PCDH7: variants seen among roughly 807,000 people sequenced by gnomAD.
PCDH7 encodes protocadherin-7.
PCDH7 carries 17 observed loss-of-function variants against 58.9 expected under a neutral mutation model. The ratio of observed to expected loss-of-function variants is 0.29; its 90% confidence interval spans 0.20 to 0.43. The LOEUF (loss-of-function observed/expected upper bound fraction) is 0.43. Among genes scored for constraint, PCDH7 ranks in the 20% least tolerant of loss-of-function variants. The pLI is 1.00. For missense variants in PCDH7, 1,274 were observed against 1,441.0 expected (o/e 0.88, Z 1.88); for synonymous variants, 664 against 616.4 (o/e 1.08, Z -1.14).
At chr4:31,006,937 A>AG (rs1344234551) in intron 3 of PCDH7, among the ~76,000 whole-genome samples, 26 of 99,948 alleles carry the variant, frequency 2.6e-4, no homozygotes, top group African/African-American at 2.4e-3. Flanking sequence ...GACCTTATAG[A>AG]ATGGCAGAAA....
At chr4:30,737,867 A>T (rs1031494796), downstream of PCDH7, among the ~76,000 whole-genome samples, 1 of 152,220 alleles carries the variant, frequency 6.6e-6, no homozygotes, top group Non-Finnish European at 1.5e-5. Context: ...TCTACTCAGG[A>T]TGTTATGACA....
intron 1 of PCDH7, among the ~76,000 whole-genome samples, chr4:30,859,564 C>T (rs776491715): frequency 5.3e-5 from 8 of 151,828 alleles, no homozygotes; most frequent in African/African-American, 1.5e-4. Flanking sequence ...CTCAGCCTCC[C>T]GAGTAGCTGG....
chr4:30,941,188 T>C (rs959210361), intron 2 of PCDH7, among the ~76,000 whole-genome samples: 4 of 151,964 alleles, frequency 2.6e-5, no homozygotes, highest in African/African-American at 9.7e-5. Context: ...TAAAATACAT[T>C]AACTAAGAAC....
At chr4:30,725,730 T>G (rs1166530465) in intron 1 of PCDH7, among the ~76,000 whole-genome samples, 1 of 152,128 alleles carries the variant, frequency 6.6e-6, no homozygotes, top group South Asian at 2.1e-4. Flanking sequence ...TAATTTCTAT[T>G]AAACATGCTT....
intron 1 of PCDH7, among the ~76,000 whole-genome samples, chr4:30,902,756 A>G (rs1310732026): frequency 3.9e-5 from 6 of 152,156 alleles, no homozygotes; most frequent in Non-Finnish European, 2.9e-5. Flanking sequence ...TTTATTTTAG[A>G]TATGGCTCAC....
intron 1 of PCDH7, among the ~76,000 whole-genome samples, chr4:30,740,359 A>T (rs2109247629): frequency 6.6e-6 from 1 of 152,338 alleles, no homozygotes; most frequent in Non-Finnish European, 1.5e-5. Context: ...GTTTCACCTT[A>T]AATCTTACCT....
At chr4:30,779,162 T>C (rs1432330318) in intron 1 of PCDH7, among the ~76,000 whole-genome samples, 1 of 151,952 alleles carries the variant, frequency 6.6e-6, no homozygotes, top group Admixed American at 6.6e-5. Context: ...CTGGGATTAT[T>C]ACAGGTGCTC....
At chr4:30,790,693 G>A (rs1723999069) in intron 1 of PCDH7, among the ~76,000 whole-genome samples, 1 of 152,206 alleles carries the variant, frequency 6.6e-6, no homozygotes, top group Admixed American at 6.5e-5. Flanking sequence ...GCCAAGGTGA[G>A]AGGATCAATT....
intron 1 of PCDH7, among the ~76,000 whole-genome samples, chr4:30,837,781 T>A (rs1730686227): frequency 6.6e-6 from 1 of 151,326 alleles, no homozygotes; most frequent in African/African-American, 2.4e-5. Flanking sequence ...CGCTCTATTA[T>A]TAATGTCTCT....
At chr4:30,809,068 A>C (rs564559353) in intron 1 of PCDH7, among the ~76,000 whole-genome samples, 4 of 152,362 alleles carry the variant, frequency 2.6e-5, no homozygotes, top group Non-Finnish European at 4.4e-5. Flanking sequence ...ATACAAATGT[A>C]TCTGGCAAAA....
downstream of PCDH7, chr4:31,145,674 G>A (rs1280242203): frequency 1.3e-5 from 2 of 152,052 alleles, no homozygotes; most frequent in African/African-American, 4.8e-5. Flanking sequence ...GACAAACTCA[G>A]ATAATGGACC....
intron 1 of PCDH7, among the ~76,000 whole-genome samples, chr4:30,840,008 G>A (rs983350912): frequency 6.7e-6 from 1 of 149,828 alleles, no homozygotes; most frequent in African/African-American, 2.5e-5. Context: ...AATGATTAGT[G>A]CGACAGTAGC....
intron 3 of PCDH7, among the ~76,000 whole-genome samples, chr4:31,106,143 G>C (rs4580617): frequency 0.56 from 85,191 of 151,894 alleles, 26,914 homozygotes; most frequent in African/African-American, 0.85. Flanking sequence ...AAAATTCAAA[G>C]TATGTTTAAG....
chr4:31,040,360 A>C (rs1438543379), intron 3 of PCDH7, among the ~76,000 whole-genome samples: 1 of 152,188 alleles, frequency 6.6e-6, no homozygotes, highest in Non-Finnish European at 1.5e-5. Flanking sequence ...ACATGGAAGC[A>C]TGCTGATGTA....
intron 3 of PCDH7, among the ~76,000 whole-genome samples, chr4:31,101,059 A>G (rs1306200699): frequency 6.6e-6 from 1 of 151,962 alleles, no homozygotes; most frequent in Admixed American, 6.6e-5. Context: ...AATGTATTTG[A>G]TTTTCCCAAG....
At chr4:30,953,810 C>G (rs1449088302) in intron 3 of PCDH7, among the ~76,000 whole-genome samples, 1 of 152,090 alleles carries the variant, frequency 6.6e-6, no homozygotes, top group Non-Finnish European at 1.5e-5. Flanking sequence ...GTCCATTCAT[C>G]ATTCTAACAA....
At chr4:31,034,945 C>T (rs1229255257) in intron 3 of PCDH7, among the ~76,000 whole-genome samples, 2 of 152,190 alleles carry the variant, frequency 1.3e-5, no homozygotes, top group Non-Finnish European at 2.9e-5. Context: ...AATGCTTACA[C>T]CTTAATTAAT....
intron 3 of PCDH7, among the ~76,000 whole-genome samples, chr4:30,997,094 G>C (rs900484235): frequency 7.3e-6 from 1 of 136,076 alleles, no homozygotes; most frequent in Non-Finnish European, 1.6e-5. Flanking sequence ...TTTTTTTTTT[G>C]TTTTACATCA....
chr4:31,082,976 T>G (rs183729607), intron 3 of PCDH7, among the ~76,000 whole-genome samples: 13 of 151,884 alleles, frequency 8.6e-5, no homozygotes, highest in Admixed American at 5.2e-4. Flanking sequence ...GGTGTGGTGG[T>G]GGGCACCTGT....
Sources: allele counts gnomAD v4.1 joint callset (sites outside exome capture counted in the v4.1 genomes callset), GRCh38; gene constraint gnomAD v4.1.1; transcripts MANE v1.5; gene names NCBI Gene and HGNC (gene_info 2026-07-23, HGNC 2026-07-21).